TXNRD2: variants seen among roughly 807,000 people sequenced by gnomAD.
The protein encoded by TXNRD2 is thioredoxin reductase 2, mitochondrial.
In TXNRD2, 67 loss-of-function variants were observed where a neutral mutation model predicts 70.8. That is an observed-to-expected ratio of 0.95 (90% confidence interval 0.78 to 1.16). The LOEUF (loss-of-function observed/expected upper bound fraction) is 1.16, where lower values mean the gene tolerates loss of function less well. Among genes scored for constraint, TXNRD2 ranks in the 50% most tolerant of loss-of-function variants. The pLI is 0.00. For missense variants in TXNRD2, 644 were observed against 719.9 expected, an observed-to-expected ratio of 0.89 and a Z score of 1.21; for synonymous variants, 301 against 295.8, an observed-to-expected ratio of 1.02 and a Z score of -0.18.
chr22:19,916,052 G>A (rs1569099321), intron 5 of TXNRD2: 1 of 566,026 alleles, frequency 1.8e-6, no homozygotes, highest in Non-Finnish European at 3.2e-6. Context: ...GGATCCCAGG[G>A]ACATGTTAAC....
intron 12 of TXNRD2, among the ~76,000 whole-genome samples, chr22:19,882,787 C>A (rs1938839821): frequency 6.6e-6 from 1 of 152,200 alleles, no homozygotes; most frequent in Non-Finnish European, 1.5e-5. Flanking sequence ...GCTCCAGAGC[C>A]CCCACCCAGG....
chr22:19,908,051 G>T (rs1325366948), intron 8 of TXNRD2, among the ~76,000 whole-genome samples: 1 of 119,656 alleles, frequency 8.4e-6, no homozygotes, highest in Non-Finnish European at 1.8e-5. Context: ...GGCGCCGTGG[G>T]TAGCAGTGAC....
At chr22:19,906,306 G>C (rs1036641026) in intron 8 of TXNRD2, among the ~76,000 whole-genome samples, 2 of 152,170 alleles carry the variant, frequency 1.3e-5, no homozygotes, top group African/African-American at 4.8e-5. Flanking sequence ...AACAGAGTCA[G>C]ATCATGTGTA....
chr22:19,878,372 A>G lies in TXNRD2; in HGVS notation c.1341T>C (p.Tyr447=), dbSNP rs202059967. 13 of 1,613,608 alleles carry G rather than the reference A, an allele frequency of 8.1e-6. No homozygotes were observed. The highest frequency in any genetic ancestry group is 7.7e-5 in the South Asian group (7 of 91,088). Reference sequence around the variant, plus strand: ...GGGCCACAGGGATGCTCACCTTTACATAACACTGGGATGCATCTCGTCCAG... The same window carrying G: ...GGGCCACAGGGATGCTCACCTTTACGTAACACTGGGATGCATCTCGTCCAG... ...TVAGRDASQC[Y]VKMVCLREPP... The change falls in exon 15 of 18, where the codon TAT becomes TAC. Residue 447 remains tyrosine (Y), a synonymous_variant. Transcript: ENST00000400521.
rs1301379785 is a variant in TXNRD2, at chr22:19,877,239, A to C, written c.1446-5T>G. The C allele has an allele frequency of 1.9e-6, 3 of 1,607,346 alleles. No individual in the cohort carries two copies. The highest frequency in any genetic ancestry group is 2.7e-5 in the African/African-American group (2 of 74,766). On this transcript the variant is annotated splice_polypyrimidine_tract_variant and splice_region_variant and intron_variant, in intron 16 of 17. Transcript: ENST00000400521. ...TGCGCATAGGAAGCCCCACACCTGC[A>C]CATGGGGGATGGGGGAGGCAGGCGG... is the stretch of plus-strand genomic sequence containing the variant.
chr22:19,900,123 A>G (rs1003667390), intron 8 of TXNRD2, among the ~76,000 whole-genome samples: 1 of 152,242 alleles, frequency 6.6e-6, no homozygotes, highest in Non-Finnish European at 1.5e-5. Context: ...GGCTGGGGAC[A>G]GAACCGCACC....
chr22:19,893,644 G>C (rs945488375), intron 11 of TXNRD2, among the ~76,000 whole-genome samples: 2 of 151,304 alleles, frequency 1.3e-5, no homozygotes, highest in East Asian at 2.0e-4. Flanking sequence ...ACACCTGCTC[G>C]GCCACTGCCC....
chr22:19,885,747 T>G (rs1286828137), intron 11 of TXNRD2, among the ~76,000 whole-genome samples: 2 of 152,102 alleles, frequency 1.3e-5, no homozygotes, highest in Admixed American at 6.5e-5. Flanking sequence ...GCACCCACAC[T>G]CTCCTCTGCA....
rs79827824 is a variant in TXNRD2, at chr22:19,922,683, G to T, written c.173-3084C>A. Among the ~76,000 whole-genome samples, 538 of 152,166 alleles carry T rather than the reference G, an allele frequency of 3.5e-3. 4 individuals carry two copies. Among genetic ancestry groups the T allele is most frequent in the African/African-American group, 0.012 (497 of 41,540 alleles). On this transcript the variant is annotated intron_variant, in intron 2 of 17. Coordinates refer to ENST00000400521, the MANE Select transcript of TXNRD2 (RefSeq NM_006440.5). ...CAGCTACAGACTTTTGGTGTGGGAA[G>T]GATCTTTTTTTCTCTTTTTTTGAGA...
At chr22:19,903,939 T>A (rs1209931315) in intron 8 of TXNRD2, among the ~76,000 whole-genome samples, 1 of 152,194 alleles carries the variant, frequency 6.6e-6, no homozygotes, top group Admixed American at 6.5e-5. Flanking sequence ...AGGGTCACTG[T>A]ACCTCCCCAG....
chr22:19,889,177 C>T (rs1939158924), intron 11 of TXNRD2, among the ~76,000 whole-genome samples: 1 of 152,134 alleles, frequency 6.6e-6, no homozygotes. Context: ...GCATAAGGGC[C>T]TTTCCTACTC....
chr22:19,885,303 G>A (rs1402628638), intron 11 of TXNRD2, among the ~76,000 whole-genome samples: 2 of 152,230 alleles, frequency 1.3e-5, no homozygotes, highest in South Asian at 2.1e-4. Context: ...CCTGCTCATC[G>A]TGGCTGGGAC....
At position 19,928,109 on chromosome 22, in the gene TXNRD2, T is replaced by C. The variant is rs1941219451; in HGVS notation, c.172+2921A>G. Reference sequence around the variant, plus strand: ...CAGAGAGACCCTCATCTTTCTTTTTTTTAATAAAAAAAAAAAACTTGAGTA... The same window carrying C: ...CAGAGAGACCCTCATCTTTCTTTTTCTTAATAAAAAAAAAAAACTTGAGTA... On this transcript the variant is annotated intron_variant, in intron 2 of 17. Coordinates refer to ENST00000400521, the MANE Select transcript of TXNRD2 (RefSeq NM_006440.5). 2.8e-5 allele frequency among the ~76,000 whole-genome samples: 3 copies of C among 106,014 alleles called. No individual in the cohort carries two copies. The South Asian group carries it at 9.5e-4, about 34-fold the overall frequency. The allele number at this position is 106,014 out of a possible 152,430, so 69.5% of individuals were successfully genotyped here.
intron 5 of TXNRD2, 134 bp downstream of exon 5, chr22:19,918,009 C>T: frequency 1.3e-6 from 1 of 763,232 alleles, no homozygotes. Context: ...GTCCTCATCC[C>T]CACCCATGAG....
chr22:19,894,410 A>G (rs1939399247), intron 11 of TXNRD2: 1 of 152,710 alleles, frequency 6.5e-6, no homozygotes, highest in Non-Finnish European at 1.5e-5. Context: ...ATTTGATGTT[A>G]TGTGTATGTC....
At chr22:19,904,398 T>G (rs995530137) in intron 8 of TXNRD2, among the ~76,000 whole-genome samples, 1 of 152,226 alleles carries the variant, frequency 6.6e-6, no homozygotes, top group Non-Finnish European at 1.5e-5. Context: ...ACGATCCCCC[T>G]GCCTCTGCCA....
At chr22:19,880,125 G>A in intron 14 of TXNRD2, 54 bp downstream of exon 14, 1 of 1,574,248 alleles carries the variant, frequency 6.4e-7, no homozygotes. Context: ...CCAGAGCATG[G>A]GGTGAGGTCG....
chr22:19,879,355 G>A lies in TXNRD2; in HGVS notation c.1275+824C>T, dbSNP rs16984302. Among the ~76,000 whole-genome samples the A allele has an allele frequency of 8.9e-3, 1,353 of 152,212 alleles. 14 individuals carry two copies. Among genetic ancestry groups the A allele is most frequent in the African/African-American group, 0.03 (1,226 of 41,530 alleles). On this transcript the variant is annotated intron_variant, in intron 14 of 17. Transcript: ENST00000400521. ...GCTGCAGCGGCAGCAAGATGAAACC[G>A]CACCGAAGGCTTCCAGCTACCACGG...
In TXNRD2 at chr22:19,908,931, G is replaced by A. The variant is rs911100989; in HGVS notation, c.662+2446C>T. Among the ~76,000 whole-genome samples, 10 of 152,182 alleles carry A rather than the reference G, an allele frequency of 6.6e-5. 1 individual carries two copies. Among genetic ancestry groups the A allele is most frequent in the South Asian group, 4.1e-4 (2 of 4,832 alleles). On this transcript the variant is annotated intron_variant, in intron 8 of 17. Transcript: ENST00000400521. Reference sequence around the variant, plus strand: ...TAAAAATGGTTAACGTGGGCTGGGCGTGGTGGCTCACCCCTGTAATCCCAG... The same window carrying A: ...TAAAAATGGTTAACGTGGGCTGGGCATGGTGGCTCACCCCTGTAATCCCAG...
Sources: gnomAD v4.1 joint callset for allele counts (sites outside exome capture counted in the v4.1 genomes callset) on GRCh38, gnomAD v4.1.1 for gene constraint, MANE v1.5 for transcripts, NCBI Gene and HGNC (gene_info 2026-07-23, HGNC 2026-07-21) for gene names.